Variants in LRRFIP1 observed in about 807,000 individuals in gnomAD.
LRRFIP1 encodes the protein LRR binding FLII interacting protein 1.
In LRRFIP1, 62 loss-of-function variants were observed where a neutral mutation model predicts 104.4. That is an observed-to-expected ratio of 0.59 (90% CI 0.48 to 0.73). LRRFIP1 has a LOEUF of 0.73. LRRFIP1 is among the 30% of genes least tolerant of loss of function. LRRFIP1 has a pLI of 0.00. For missense variants in LRRFIP1, 796 were observed against 824.5 expected (o/e 0.97, Z 0.42); for synonymous variants, 300 against 299.0 (o/e 1.00, Z -0.03).
chr2:237,708,367 G>T (rs561570959), intron 1 of LRRFIP1, among the ~76,000 whole-genome samples, 177 bp from the exon 2 acceptor site: 2 of 152,358 alleles, frequency 1.3e-5, no homozygotes, highest in African/African-American at 4.8e-5. Context: ...AATGGTAGCA[G>T]TTCTTATAAC....
At chr2:237,738,848 G>A (rs749254031) in intron 10 of LRRFIP1, among the ~76,000 whole-genome samples, 9 of 152,216 alleles carry the variant, frequency 5.9e-5, no homozygotes, top group Non-Finnish European at 8.8e-5. Context: ...AGCGCCAAGC[G>A]CCCTGTGCAA....
chr2:237,766,020 G>A lies in LRRFIP1; in HGVS notation c.1460-3923G>A. 1.4e-6 allele frequency: 1 copy of A among 700,968 alleles called. No homozygotes were observed. The highest frequency in any genetic ancestry group is 1.8e-6 in the Non-Finnish European group (1 of 570,396). The allele number at this position is 700,968 out of a possible 1,614,324, so 43.4% of individuals were successfully genotyped here. On this transcript the variant is annotated intron_variant, in intron 19 of 23. Transcript: ENST00000308482. The surrounding 1 kb of genome is among the most constrained non-coding windows in gnomAD (Gnocchi z 4.8). ...TGCTTGGGGGTTGCTGATTCCTATT[G>A]GGGTTCCGTGGAAGACCCACGCCTG... is the stretch of plus-strand genomic sequence containing the variant.
At chr2:237,695,494 A>G (rs944429835) in intron 1 of LRRFIP1, among the ~76,000 whole-genome samples, 2 of 152,204 alleles carry the variant, frequency 1.3e-5, no homozygotes, top group Non-Finnish European at 2.9e-5. Context: ...TCCAAGAGGA[A>G]CTTCTTATCC....
chr2:237,681,675 A>ATTTTTTTTTTTTTTTTT (rs1359912875), intron 1 of LRRFIP1, among the ~76,000 whole-genome samples: 11 of 54,634 alleles, frequency 2.0e-4, no homozygotes, highest in East Asian at 7.4e-4. Context: ...CCGCAGTCCT[A>ATTTTTTTTTTTTTTTTT]TTCTTTTTTT....
intron 1 of LRRFIP1, among the ~76,000 whole-genome samples, chr2:237,686,630 G>A (rs1559543124): frequency 6.6e-6 from 1 of 152,196 alleles, no homozygotes; most frequent in African/African-American, 2.4e-5. Context: ...CAGTACCCAG[G>A]TCACAGGGCA....
chr2:237,688,533 A>C (rs1293959111), intron 1 of LRRFIP1, among the ~76,000 whole-genome samples: 1 of 137,430 alleles, frequency 7.3e-6, no homozygotes, highest in African/African-American at 2.7e-5. Context: ...ATCTCAGCTT[A>C]CTGCAACCTC....
intron 1 of LRRFIP1, among the ~76,000 whole-genome samples, chr2:237,707,634 C>G (rs954385236): frequency 3.3e-5 from 5 of 152,126 alleles, no homozygotes; most frequent in African/African-American, 1.2e-4. Flanking sequence ...CTTATGCCAT[C>G]GAGCTTACGG....
intron 19 of LRRFIP1, chr2:237,765,669 T>G: frequency 1.0e-6 from 1 of 963,960 alleles, no homozygotes. Flanking sequence ...TTGATCTGCC[T>G]GAAGAAAATA....
At chr2:237,762,983 G>A in intron 19 of LRRFIP1, 1 of 1,614,242 alleles carries the variant, frequency 6.2e-7, no homozygotes, top group South Asian at 1.1e-5. Context: ...AGAGAATGTG[G>A]GAGAGGCAGC....
At chr2:237,682,912 G>A (rs905055089) in intron 1 of LRRFIP1, among the ~76,000 whole-genome samples, 2 of 152,232 alleles carry the variant, frequency 1.3e-5, no homozygotes, top group Non-Finnish European at 2.9e-5. Context: ...AGACATGAAT[G>A]TGCTTCCACA....
At chr2:237,708,392 C>T (rs2093916577) in intron 1 of LRRFIP1, 152 bp from the exon 2 acceptor site, 1 of 596,240 alleles carries the variant, frequency 1.7e-6, no homozygotes, top group African/African-American at 1.9e-5. Flanking sequence ...TCTATTGCTC[C>T]TGACCACCCT....
chr2:237,648,050 GA>G (rs2149368951), intron 1 of LRRFIP1, among the ~76,000 whole-genome samples: 1 of 152,178 alleles, frequency 6.6e-6, no homozygotes, highest in East Asian at 1.9e-4. Flanking sequence ...CTCCAAACCT[GA>G]AATAGAGGCA....
intron 1 of LRRFIP1, among the ~76,000 whole-genome samples, chr2:237,669,334 A>T (rs927533164): frequency 6.6e-6 from 1 of 152,198 alleles, no homozygotes; most frequent in African/African-American, 2.4e-5. Context: ...GTTGTCTGAG[A>T]GTGTCTTGTT....
At chr2:237,677,919 C>T (rs948547515) in intron 1 of LRRFIP1, among the ~76,000 whole-genome samples, 5 of 152,058 alleles carry the variant, frequency 3.3e-5, no homozygotes, top group Admixed American at 6.6e-5. Flanking sequence ...TTTAAATAAT[C>T]GTAGAGTGTT....
intron 8 of LRRFIP1, among the ~76,000 whole-genome samples, chr2:237,729,480 A>G (rs1362559612): frequency 6.6e-6 from 1 of 152,258 alleles, no homozygotes; most frequent in Non-Finnish European, 1.5e-5. Context: ...ACGCAGTGTG[A>G]AACTCAGTAA....
In LRRFIP1 at chr2:237,751,265, G is replaced by A. The variant is rs1438335419; in HGVS notation, c.861G>A (p.Glu287=). 1 of 1,607,298 alleles carries A rather than the reference G, an allele frequency of 6.2e-7. No homozygotes were observed. Among genetic ancestry groups the A allele is most frequent in the Non-Finnish European group, 8.5e-7 (1 of 1,176,628 alleles). The change falls in exon 14 of 24, where the codon GAG becomes GAA. Residue 287 remains glutamate, a synonymous_variant. Transcript: ENST00000308482. ...VEGKYMQGLK[E]MKDSLAEVEE... is the part of the protein sequence containing the mutation. Reference sequence around the variant, plus strand: ...GCAAATACATGCAGGGATTGAAAGAGATGAAGGTACCAATTCACAGACGTG... The same window carrying A: ...GCAAATACATGCAGGGATTGAAAGAAATGAAGGTACCAATTCACAGACGTG...
Position 237,735,255 on chromosome 2 carries a change from CT to C in LRRFIP1, c.490-9del. On this transcript the variant is annotated splice_polypyrimidine_tract_variant and intron_variant, in intron 9 of 23. Transcript: ENST00000308482. This position sits in a 1 kb window ranked among gnomAD's most constrained non-coding sequence, Gnocchi z 4.6. Reference sequence around the variant, plus strand: ...GGAAGAGCGCCCATCCTGACAGTCTCTTTTGGTCGCAGGCGTCTGTGTTGGA... The same window carrying C: ...GGAAGAGCGCCCATCCTGACAGTCTCTTTGGTCGCAGGCGTCTGTGTTGGA... 1 of 1,612,464 alleles carries C rather than the reference CT, an allele frequency of 6.2e-7. No individual in the cohort carries two copies. The highest frequency in any genetic ancestry group is 8.5e-7 in the Non-Finnish European group (1 of 1,179,242).
intron 23 of LRRFIP1, among the ~76,000 whole-genome samples, chr2:237,775,031 C>T (rs910061050): frequency 6.6e-6 from 1 of 152,260 alleles, no homozygotes; most frequent in Non-Finnish European, 1.5e-5. Flanking sequence ...TTACAGCACC[C>T]GTTGCATGCC....
At chr2:237,715,730 A>T (rs1247620607) in intron 3 of LRRFIP1, among the ~76,000 whole-genome samples, 1 of 152,226 alleles carries the variant, frequency 6.6e-6, no homozygotes, top group East Asian at 1.9e-4. Context: ...CTCTGGAATC[A>T]AAGCTATTTC....
Sources: allele counts gnomAD v4.1 joint callset (sites outside exome capture counted in the v4.1 genomes callset), GRCh38; gene constraint gnomAD v4.1.1; non-coding constraint Gnocchi (gnomAD v3.1); transcripts MANE v1.5; gene names NCBI Gene and HGNC (gene_info 2026-07-23, HGNC 2026-07-21).